The following PPP1R2 variants were observed in gnomAD, a reference collection of about 807,000 sequenced individuals.
PPP1R2 encodes protein phosphatase inhibitor 2.
Under a neutral mutation model 29.9 loss-of-function variants are expected in PPP1R2, and 16 were observed. That is an observed-to-expected ratio of 0.53 (90% CI 0.36 to 0.81). PPP1R2 has a LOEUF of 0.81. Among genes scored for constraint, PPP1R2 ranks in the 30% least tolerant of loss-of-function variants. The probability of loss-of-function intolerance (pLI) is 0.00; values close to 1 mark genes in which losing one functional copy is unlikely to be tolerated. For synonymous variants in PPP1R2, 76 were observed against 91.5 expected (o/e 0.83, Z 0.96); for missense variants, 197 against 252.7 (o/e 0.78, Z 1.49).
chr3:195,520,870 T>C (rs1040511340), intron 4 of PPP1R2, among the ~76,000 whole-genome samples: 4 of 151,480 alleles, frequency 2.6e-5, no homozygotes, highest in African/African-American at 9.7e-5. Context: ...GGTTTCACCA[T>C]GTAGGTCAGG....
At chr3:195,526,103 A>AT (rs71180929) in intron 2 of PPP1R2, among the ~76,000 whole-genome samples, 100 of 145,980 alleles carry the variant, frequency 6.9e-4, no homozygotes, top group African/African-American at 1.6e-3. Flanking sequence ...CTTAAATAAA[A>AT]TTTTTTTTTT....
chr3:195,541,185 C>T (rs1719578252), intron 1 of PPP1R2, among the ~76,000 whole-genome samples: 1 of 152,222 alleles, frequency 6.6e-6, no homozygotes, highest in East Asian at 1.9e-4. Context: ...GAATGTAAAT[C>T]CCAACCAATT....
intron 4 of PPP1R2, among the ~76,000 whole-genome samples, chr3:195,519,799 T>C (rs1718683041): frequency 1.3e-5 from 2 of 151,970 alleles, no homozygotes; most frequent in African/African-American, 2.4e-5. Context: ...CTCCAAAATA[T>C]TTCATTTTAG....
At chr3:195,535,265 C>T (rs1436804756) in intron 1 of PPP1R2, among the ~76,000 whole-genome samples, 1 of 152,172 alleles carries the variant, frequency 6.6e-6, no homozygotes, top group Non-Finnish European at 1.5e-5. Flanking sequence ...ATTGATCTGA[C>T]AGGAGGTGGA....
chr3:195,525,302 ATAAC>A (rs144757183), intron 2 of PPP1R2, among the ~76,000 whole-genome samples: 3,350 of 152,300 alleles, frequency 0.022, 129 homozygotes, highest in African/African-American at 0.076. Context: ...ATTAGGTAAT[ATAAC>A]TAACACAGAG....
At chr3:195,525,743 A>C (rs1365962381) in intron 2 of PPP1R2, among the ~76,000 whole-genome samples, 1 of 152,184 alleles carries the variant, frequency 6.6e-6, no homozygotes, top group Non-Finnish European at 1.5e-5. Context: ...GGGCAACCTT[A>C]ATTCTTAAGC....
At chr3:195,537,091 G>A (rs889777947) in intron 1 of PPP1R2, among the ~76,000 whole-genome samples, 2 of 151,736 alleles carry the variant, frequency 1.3e-5, no homozygotes, top group African/African-American at 2.4e-5. Flanking sequence ...ATATAAATAT[G>A]TATAAGCTAT....
In PPP1R2 at chr3:195,515,921, G is replaced by A. The variant is rs116559925; in HGVS notation, c.*975C>T. On this transcript the variant is annotated 3_prime_UTR_variant, in exon 6 of 6. Coordinates refer to ENST00000618156, the MANE Select transcript of PPP1R2 (RefSeq NM_006241.8). ...CTGCTACTCAAACTATTTTCTTCAC[G>A]TATTAGAAGAATTCATAGGCATTGA... is the stretch of plus-strand genomic sequence containing the variant. 5.1e-3 allele frequency: 782 copies of A among 152,144 alleles called. 5 individuals are homozygous for A. The highest frequency in any genetic ancestry group is 0.018 in the African/African-American group (742 of 41,528). 9.4% of individuals were successfully genotyped at this position (152,144 alleles called of 1,614,324 possible).
intron 1 of PPP1R2, among the ~76,000 whole-genome samples, chr3:195,531,927 A>C (rs1306648120): frequency 1.3e-5 from 2 of 152,214 alleles, no homozygotes; most frequent in Non-Finnish European, 2.9e-5. Flanking sequence ...TGACCACTCT[A>C]GGTACCTCGC....
chr3:195,543,097 G>A lies in PPP1R2; in HGVS notation c.-72C>T, dbSNP rs561026971. 11 of 1,491,416 alleles carry A rather than the reference G, an allele frequency of 7.4e-6. No homozygotes were observed. Among genetic ancestry groups the A allele is most frequent in the Admixed American group, 2.3e-5 (1 of 43,644 alleles). 92.4% of individuals were successfully genotyped at this position (1,491,416 alleles called of 1,614,324 possible). ...GTCCGCGAAGAGAAGGGTCGGCACA[G>A]CAGAGACTCGCAGGCAGCCGCAGAT... On this transcript the variant is annotated 5_prime_UTR_variant, in exon 1 of 6. Transcript: ENST00000618156.
At chr3:195,517,718 T>C (rs771681588) in intron 5 of PPP1R2, among the ~76,000 whole-genome samples, 10 of 151,906 alleles carry the variant, frequency 6.6e-5, no homozygotes, top group Non-Finnish European at 1.5e-4. Context: ...GCTGCCTCTA[T>C]AACAAAAAAT....
intron 5 of PPP1R2, among the ~76,000 whole-genome samples, chr3:195,517,985 C>G (rs1034535970): frequency 6.6e-6 from 1 of 152,136 alleles, no homozygotes; most frequent in Non-Finnish European, 1.5e-5. Flanking sequence ...AATGGTAATA[C>G]AATAATTATT....
chr3:195,530,285 C>A (rs1326629124), intron 1 of PPP1R2, among the ~76,000 whole-genome samples: 1 of 152,166 alleles, frequency 6.6e-6, no homozygotes. Context: ...CGGTAAAAAA[C>A]ACAACAGGAG....
At chr3:195,522,024 G>A (rs925481996) in intron 4 of PPP1R2, among the ~76,000 whole-genome samples, 1 of 152,126 alleles carries the variant, frequency 6.6e-6, no homozygotes, top group African/African-American at 2.4e-5. Flanking sequence ...TACAACAAGT[G>A]AATTATTCTT....
At chr3:195,518,098 C>CA (rs564315130) in intron 5 of PPP1R2, among the ~76,000 whole-genome samples, 300 of 152,048 alleles carry the variant, frequency 2.0e-3, no homozygotes, top group African/African-American at 6.9e-3. Flanking sequence ...GTGGTGGGCA[C>CA]AAAAAATCTC....
At chr3:195,521,259 G>A (rs930081530) in intron 4 of PPP1R2, among the ~76,000 whole-genome samples, 11 of 136,178 alleles carry the variant, frequency 8.1e-5, no homozygotes, top group Non-Finnish European at 1.7e-4. Flanking sequence ...AGGTTGCAGT[G>A]AGCGAAGATC....
intron 1 of PPP1R2, among the ~76,000 whole-genome samples, chr3:195,537,481 TTG>T (rs71180930): frequency 0.052 from 6,642 of 128,492 alleles, 454 homozygotes; most frequent in East Asian, 0.38. Flanking sequence ...GGATTAGCTA[TTG>T]TGTGTGTGTG....
intron 1 of PPP1R2, among the ~76,000 whole-genome samples, chr3:195,537,481 TTGTGTGTG>T (rs71180930): frequency 4.6e-4 from 59 of 128,574 alleles, no homozygotes; most frequent in Non-Finnish European, 7.3e-4. Context: ...GGATTAGCTA[TTGTGTGTG>T]TGTGTGTGTG....
intron 2 of PPP1R2, chr3:195,527,992 C>A: frequency 3.4e-6 from 1 of 290,388 alleles, no homozygotes; most frequent in Non-Finnish European, 6.8e-6. Context: ...TTTTTCTTCC[C>A]CTCAATTTAT....
Sources: gnomAD v4.1 joint callset for allele counts (sites outside exome capture counted in the v4.1 genomes callset) on GRCh38, gnomAD v4.1.1 for gene constraint, MANE v1.5 for transcripts, NCBI Gene and HGNC (gene_info 2026-07-23, HGNC 2026-07-21) for gene names.